PIK3AP1: variants seen among roughly 807,000 people sequenced by gnomAD.
The protein encoded by PIK3AP1 is phosphoinositide 3-kinase adapter protein 1.
A neutral mutation model predicts 88.1 loss-of-function variants in PIK3AP1; 21 were observed. The ratio of observed to expected loss-of-function variants is 0.24; its 90% CI spans 0.17 to 0.34. The LOEUF (loss-of-function observed/expected upper bound fraction) is 0.34, where lower values mean the gene tolerates loss of function less well. PIK3AP1 is among the 10% of genes least tolerant of loss of function. The pLI is 1.00. For missense variants in PIK3AP1, 828 were observed against 1,035.7 expected (o/e 0.80, Z 2.75); for synonymous variants, 398 against 400.0 (o/e 1.00, Z 0.06).
rs1404190224 is a variant in PIK3AP1, at chr10:96,602,357, G to T, written c.2283C>A (p.Gly761=). Residue 761 remains glycine (G), a synonymous_variant, in exon 16 of 17, where the codon GGC becomes GGA. Coordinates refer to ENST00000339364, the MANE Select transcript of PIK3AP1 (RefSeq NM_152309.3). The part of the protein sequence containing the change: ...VPEVTRSRSP[G]PPQVDGTPTM... ...TGGGTGTCCCATCCACTTGTGGGGG[G>T]CCTGGACTGCGACTTCTGGTAACCT... The T allele has an allele frequency of 6.2e-7, 1 of 1,612,754 alleles. No individual in the cohort carries two copies. The highest frequency in any genetic ancestry group is 8.5e-7 in the Non-Finnish European group (1 of 1,179,156).
At chr10:96,689,770 G>A (rs949503826) in intron 2 of PIK3AP1, among the ~76,000 whole-genome samples, 2 of 151,998 alleles carry the variant, frequency 1.3e-5, no homozygotes, top group Non-Finnish European at 2.9e-5. Flanking sequence ...TGAGTTCTCC[G>A]TCTTCCCTCT....
In PIK3AP1 at chr10:96,609,786, C is replaced by G. The variant is rs1849074027; in HGVS notation, c.2096G>C (p.Arg699Thr). ...VEFGVYESGP[R>T]KSVIPPRTEL... ...CGTCCTAGGGGGAATGACACTTTTC[C>G]TGGGGCCACTCTCATAGACTCCAAA... is the stretch of plus-strand genomic sequence containing the variant. Residue 699 changes from arginine (R) to threonine (T), a missense_variant, in exon 14 of 17, where the codon AGG (arginine) becomes ACG (threonine). Arg to Thr is a moderately conservative substitution (Grantham distance 71, BLOSUM62 -1). Around this residue, in one of 3 missense-constraint regions of PIK3AP1, gnomAD observed 191 missense variants for 208.6 expected, o/e 0.92. Coordinates refer to ENST00000339364, the MANE Select transcript of PIK3AP1 (RefSeq NM_152309.3). 1 of 1,614,000 alleles carries G rather than the reference C, an allele frequency of 6.2e-7. No individual in the cohort carries two copies. Among genetic ancestry groups the G allele is most frequent in the Non-Finnish European group, 8.5e-7 (1 of 1,179,992 alleles).
rs145082120 is a variant in PIK3AP1 at position 96,604,151 on chromosome 10, A to T, written c.2171-102T>A. 79 of 980,300 alleles carry T rather than the reference A, an allele frequency of 8.1e-5. No homozygotes were observed. In the African/African-American group the frequency reaches 1.1e-3, roughly 14 times the overall value. The allele number at this position is 980,300 out of a possible 1,614,324, so 60.7% of individuals were successfully genotyped here. A position where few individuals can be genotyped will look rare whatever the true frequency, so the allele number is the denominator to read the frequency against. Reference sequence around the variant, plus strand: ...TTAGTTTTATTGATATAAATAATACATAAGCTGTAAGTATGGGGTTCTTCA... The same window carrying T: ...TTAGTTTTATTGATATAAATAATACTTAAGCTGTAAGTATGGGGTTCTTCA... On this transcript the variant is annotated intron_variant, in intron 14 of 16. Transcript: ENST00000339364.
At chr10:96,708,891 G>A (rs1844401067) in intron 2 of PIK3AP1, among the ~76,000 whole-genome samples, 1 of 152,146 alleles carries the variant, frequency 6.6e-6, no homozygotes, top group African/African-American at 2.4e-5. Flanking sequence ...AGCACTTTGG[G>A]AGGCTGAGGC....
In PIK3AP1 at chr10:96,594,105, T is replaced by C. The variant is rs1034283165; in HGVS notation, c.*1472A>G. On this transcript the variant is annotated 3_prime_UTR_variant, in exon 17 of 17. Coordinates refer to ENST00000339364, the MANE Select transcript of PIK3AP1 (RefSeq NM_152309.3). This position sits in a 1 kb window ranked among gnomAD's most constrained non-coding sequence, Gnocchi z 4.6. ...TCATTAAGGACCTCTGATTTGAAGG[T>C]AGATTTATGTGCCAGGGACTCCAAA... 2 of 152,196 alleles carry C rather than the reference T, an allele frequency of 1.3e-5. No homozygotes were observed. Among genetic ancestry groups the C allele is most frequent in the Non-Finnish European group, 2.9e-5 (2 of 68,036 alleles). 9.4% of individuals were successfully genotyped at this position (152,196 alleles called of 1,614,324 possible).
intron 1 of PIK3AP1, among the ~76,000 whole-genome samples, chr10:96,719,536 GAGAGC>G (rs2134300651): frequency 6.6e-6 from 1 of 152,292 alleles, no homozygotes; most frequent in Non-Finnish European, 1.5e-5. Flanking sequence ...TAAACTCCTG[GAGAGC>G]AGAGACTAGG....
Position 96,686,973 on chromosome 10 carries a change from C to T in PIK3AP1, c.430+22594G>A, listed in dbSNP as rs7093731. 8.1e-3 allele frequency among the ~76,000 whole-genome samples: 1,230 copies of T among 152,248 alleles called. 21 individuals carry two copies. Among genetic ancestry groups the T allele is most frequent in the African/African-American group, 0.028 (1,163 of 41,546 alleles). ...TTCCCTCTGTGTTTTAGAAACTGAT[C>T]TCTTGATCTCTGTTAGATGACTCTG... On this transcript the variant is annotated intron_variant, in intron 2 of 16. Coordinates refer to ENST00000339364, the MANE Select transcript of PIK3AP1 (RefSeq NM_152309.3).
chr10:96,637,402 C>G (rs1167396188), intron 8 of PIK3AP1, among the ~76,000 whole-genome samples: 1 of 152,002 alleles, frequency 6.6e-6, no homozygotes, highest in Non-Finnish European at 1.5e-5. Flanking sequence ...CCCACTCTGT[C>G]ACCCAGGCTG....
At position 96,670,155 on chromosome 10, in the gene PIK3AP1, C is replaced by CAA. The variant is rs35152022; in HGVS notation, c.431-13223_431-13222dup. Among the ~76,000 whole-genome samples, 215 of 91,348 alleles carry CAA rather than the reference C, an allele frequency of 2.4e-3. 1 individual carries two copies. The highest frequency in any genetic ancestry group is 0.012 in the Middle Eastern group (2 of 168). The allele number at this position is 91,348 out of a possible 152,430, so 59.9% of individuals were successfully genotyped here. A position where few individuals can be genotyped will look rare whatever the true frequency, so the allele number is the denominator to read the frequency against. On this transcript the variant is annotated intron_variant, in intron 2 of 16. Transcript: ENST00000339364. ...CCTGGGTGACTAAGCAAGACTCCAT[C>CAA]AAAAAAAAAAAAAAAAAAAGAGAGA...
intron 11 of PIK3AP1, among the ~76,000 whole-genome samples, chr10:96,622,481 TG>T (rs1843098169): frequency 6.6e-6 from 1 of 152,178 alleles, no homozygotes; most frequent in Non-Finnish European, 1.5e-5. Context: ...AAAAGAGAAA[TG>T]GCTGCACCGG....
At chr10:96,673,453 G>T (rs181090455) in intron 2 of PIK3AP1, among the ~76,000 whole-genome samples, 1 of 152,054 alleles carries the variant, frequency 6.6e-6, no homozygotes, top group South Asian at 2.1e-4. Flanking sequence ...CTGTTTCCTC[G>T]TTCAGGAAAC....
intron 2 of PIK3AP1, among the ~76,000 whole-genome samples, chr10:96,666,120 TA>T (rs1178476392): frequency 6.6e-6 from 1 of 152,042 alleles, no homozygotes; most frequent in African/African-American, 2.4e-5. Flanking sequence ...AACATACAAA[TA>T]AAAAAAGAGT....
At chr10:96,610,935 A>T (rs1849097317) in intron 13 of PIK3AP1, among the ~76,000 whole-genome samples, 1 of 152,020 alleles carries the variant, frequency 6.6e-6, no homozygotes, top group African/African-American at 2.4e-5. Flanking sequence ...TGGGTAGAAG[A>T]GGTGTTAGCT....
At chr10:96,656,459 G>T (rs1843615918) in intron 3 of PIK3AP1, among the ~76,000 whole-genome samples, 1 of 152,184 alleles carries the variant, frequency 6.6e-6, no homozygotes, top group South Asian at 2.1e-4. Flanking sequence ...CCAGCACTAG[G>T]CTACCAGGAA....
chr10:96,710,455 C>T (rs1314890020), intron 1 of PIK3AP1, among the ~76,000 whole-genome samples: 7 of 152,112 alleles, frequency 4.6e-5, no homozygotes, highest in Non-Finnish European at 1.0e-4. Context: ...CTTCTGACCT[C>T]AAGTGATCCA....
At chr10:96,633,364 A>G (rs1040865604) in intron 8 of PIK3AP1, 2 of 232,580 alleles carry the variant, frequency 8.6e-6, no homozygotes, top group Non-Finnish European at 1.7e-5. Flanking sequence ...AATTATAGCT[A>G]TTATATTTTC....
intron 2 of PIK3AP1, among the ~76,000 whole-genome samples, chr10:96,693,975 G>A (rs1844188164): frequency 6.6e-6 from 1 of 152,180 alleles, no homozygotes; most frequent in Admixed American, 6.5e-5. Flanking sequence ...CTGGGCTCTA[G>A]GATACCATTA....
At chr10:96,718,623 T>C (rs1202771812) in intron 1 of PIK3AP1, among the ~76,000 whole-genome samples, 2 of 152,030 alleles carry the variant, frequency 1.3e-5, no homozygotes, top group Non-Finnish European at 2.9e-5. Context: ...CGGACTAGGG[T>C]CCCCCTCTGA....
chr10:96,633,115 A>C (rs6584092), intron 8 of PIK3AP1: 1,494,947 of 1,512,040 alleles, frequency 0.99, 740,333 homozygotes, highest in East Asian at 1. Flanking sequence ...TTCCAGGGTC[A>C]CCATGAGAGG....
Sources: allele counts gnomAD v4.1 joint callset (sites outside exome capture counted in the v4.1 genomes callset), GRCh38; gene constraint gnomAD v4.1.1; regional missense constraint gnomAD v4.1.1; non-coding constraint Gnocchi (gnomAD v3.1); transcripts MANE v1.5; gene names NCBI Gene and HGNC (gene_info 2026-07-23, HGNC 2026-07-21).